SPAG17: variants seen among roughly 807,000 people sequenced by gnomAD.
SPAG17 encodes sperm associated antigen 17.
Under a neutral mutation model 273.6 loss-of-function variants are expected in SPAG17, and 169 were observed. The observed-to-expected ratio is 0.62, with a 90% CI of 0.55 to 0.70. The LOEUF (loss-of-function observed/expected upper bound fraction) is 0.70. Among genes scored for constraint, SPAG17 ranks in the 30% least tolerant of loss-of-function variants. The pLI, the probability that SPAG17 is intolerant of heterozygous loss-of-function variation, is 0.00. For synonymous variants in SPAG17, 825 were observed against 873.2 expected (o/e 0.94, Z 0.97); for missense variants, 2,557 against 2,627.8 (o/e 0.97, Z 0.59).
At chr1:118,056,615 AT>A (rs1651702239) in intron 18 of SPAG17, among the ~76,000 whole-genome samples, 2 of 152,204 alleles carry the variant, frequency 1.3e-5, no homozygotes, top group Admixed American at 6.5e-5. Flanking sequence ...TAGTTATAAG[AT>A]TTAAATTTGA....
chr1:118,173,859 A>C (rs551692782), intron 1 of SPAG17, among the ~76,000 whole-genome samples: 1 of 17,802 alleles, frequency 5.6e-5, no homozygotes. Context: ...GACCCTGTCT[A>C]AAAAAAAAAA....
intron 3 of SPAG17, among the ~76,000 whole-genome samples, chr1:118,135,432 G>GT (rs1558036945): frequency 2.0e-4 from 29 of 145,736 alleles, no homozygotes; most frequent in African/African-American, 5.0e-4. Context: ...TGTGTGTGTG[G>GT]GGTATGGTGT....
At chr1:117,989,589 T>G (rs1180941418) in intron 38 of SPAG17, among the ~76,000 whole-genome samples, 1 of 152,070 alleles carries the variant, frequency 6.6e-6, no homozygotes, top group Non-Finnish European at 1.5e-5. Flanking sequence ...TCTTTTCTAT[T>G]TTTTGAGACA....
chr1:118,089,942 G>T (rs1655258840), intron 10 of SPAG17, among the ~76,000 whole-genome samples: 1 of 152,144 alleles, frequency 6.6e-6, no homozygotes, highest in Non-Finnish European at 1.5e-5. Flanking sequence ...GTGGTAGTTT[G>T]TTCCTGCTGT....
In SPAG17 at chr1:118,081,283, T is replaced by G. The variant is rs776971761; in HGVS notation, c.2027A>C (p.Gln676Pro). 1.2e-6 allele frequency: 2 copies of G among 1,614,132 alleles called. No homozygotes were observed. Among genetic ancestry groups the G allele is most frequent in the Admixed American group, 3.3e-5 (2 of 60,020 alleles). The change falls in exon 15 of 49, where the codon CAG becomes CCG. Residue 676 changes from glutamine (Q) to proline (P), a missense_variant. Gln to Pro is a moderately conservative substitution (Grantham distance 76). Coordinates refer to ENST00000336338, the MANE Select transcript of SPAG17 (RefSeq NM_206996.4). The part of the protein sequence containing the change: ...KIKDRTLFVD[Q>P]NLSMSVQDNE... Reference sequence around the variant, plus strand: ...ATCTTGCACAGACATTGACAAATTCTGATCCACAAATAGTGTTCTGTCTTT... The same window carrying G: ...ATCTTGCACAGACATTGACAAATTCGGATCCACAAATAGTGTTCTGTCTTT...
chr1:118,153,383 C>G (rs1357171479), intron 1 of SPAG17, among the ~76,000 whole-genome samples: 1 of 152,202 alleles, frequency 6.6e-6, no homozygotes, highest in Non-Finnish European at 1.5e-5. Context: ...ATGGAGACCA[C>G]AGACATGGCT....
At chr1:118,112,218 T>C (rs1558021494) in intron 4 of SPAG17, among the ~76,000 whole-genome samples, 1 of 152,108 alleles carries the variant, frequency 6.6e-6, no homozygotes, top group Non-Finnish European at 1.5e-5. Flanking sequence ...TCATAATTAA[T>C]ATATAATACA....
intron 3 of SPAG17, among the ~76,000 whole-genome samples, chr1:118,125,721 C>G (rs964883107): frequency 6.6e-6 from 1 of 152,184 alleles, no homozygotes; most frequent in East Asian, 1.9e-4. Flanking sequence ...TTTATTATGG[C>G]AGAATACTAT....
intron 1 of SPAG17, among the ~76,000 whole-genome samples, chr1:118,158,514 T>C (rs567693155): frequency 5.1e-4 from 78 of 152,218 alleles, no homozygotes; most frequent in Non-Finnish European, 9.8e-4. Flanking sequence ...TCTGATCAAT[T>C]TTGGGCATCA....
intron 4 of SPAG17, among the ~76,000 whole-genome samples, chr1:118,114,661 G>A (rs576336409): frequency 1.3e-5 from 2 of 152,214 alleles, no homozygotes; most frequent in East Asian, 3.9e-4. Flanking sequence ...TCTTATTTTG[G>A]GTTATGATGG....
At chr1:118,059,460 A>G (rs1557970145) in intron 18 of SPAG17, among the ~76,000 whole-genome samples, 1 of 151,996 alleles carries the variant, frequency 6.6e-6, no homozygotes, top group African/African-American at 2.4e-5. Context: ...AATTGAATTG[A>G]TTAACATACA....
chr1:118,015,550 G>A (rs900964999), intron 29 of SPAG17, among the ~76,000 whole-genome samples: 11 of 152,092 alleles, frequency 7.2e-5, no homozygotes, highest in Non-Finnish European at 1.2e-4. Context: ...CAAATAAGTA[G>A]TAATGAGACA....
At chr1:118,104,050 G>T (rs1416735416) in intron 4 of SPAG17, among the ~76,000 whole-genome samples, 3 of 152,126 alleles carry the variant, frequency 2.0e-5, no homozygotes, top group African/African-American at 7.2e-5. Context: ...TAACTAAAAT[G>T]CAATGGGAAG....
chr1:118,087,260 T>C (rs1381935447), intron 10 of SPAG17: 4 of 312,302 alleles, frequency 1.3e-5, no homozygotes, highest in African/African-American at 2.1e-5. Context: ...ATGGTAACAA[T>C]AAGTTTTTGA....
chr1:117,979,682 C>A (rs1655550710), intron 43 of SPAG17, among the ~76,000 whole-genome samples: 1 of 152,182 alleles, frequency 6.6e-6, no homozygotes, highest in Non-Finnish European at 1.5e-5. Context: ...CTAATCTCTG[C>A]CCCACTCTCT....
At chr1:118,031,393 C>T (rs188920527) in intron 25 of SPAG17, among the ~76,000 whole-genome samples, 12 of 151,728 alleles carry the variant, frequency 7.9e-5, no homozygotes, top group Non-Finnish European at 1.0e-4. Context: ...ACTTGACCAA[C>T]GAAAAGCAAA....
intron 1 of SPAG17, among the ~76,000 whole-genome samples, chr1:118,156,901 C>T (rs1296686091): frequency 1.3e-5 from 2 of 151,916 alleles, no homozygotes; most frequent in African/African-American, 4.8e-5. Flanking sequence ...TGAAGCAGCA[C>T]ACAGTGTGTG....
intron 48 of SPAG17, chr1:117,954,640 T>G (rs1651898319): frequency 6.2e-7 from 1 of 1,610,562 alleles, no homozygotes; most frequent in Non-Finnish European, 8.5e-7. Context: ...GAGTAAAATG[T>G]CTAACGGTTT....
intron 17 of SPAG17, among the ~76,000 whole-genome samples, chr1:118,068,773 T>A (rs61836255): frequency 0.39 from 59,901 of 151,988 alleles, 12,997 homozygotes; most frequent in Non-Finnish European, 0.49. Flanking sequence ...CTCTAAAATA[T>A]GATAAAGATT....
Sources: gnomAD v4.1 joint callset for allele counts (sites outside exome capture counted in the v4.1 genomes callset) on GRCh38, gnomAD v4.1.1 for gene constraint, MANE v1.5 for transcripts, NCBI Gene and HGNC (gene_info 2026-07-23, HGNC 2026-07-21) for gene names.